ATAD1: variants seen among roughly 807,000 people sequenced by gnomAD.
The protein encoded by ATAD1 is ATPase family AAA domain containing 1, also known as outer mitochondrial transmembrane helix translocase.
In ATAD1, 18 loss-of-function variants were observed where a neutral mutation model predicts 42.7. The observed-to-expected ratio is 0.42, with a 90% confidence interval of 0.29 to 0.63. The LOEUF is 0.63. Ranked by LOEUF, ATAD1 falls within the 20% of genes least tolerant of loss-of-function variation. The pLI is 0.19. For synonymous variants in ATAD1, 132 were observed against 143.1 expected, an observed-to-expected ratio of 0.92 and a Z score of 0.55; for missense variants, 294 against 440.4, an observed-to-expected ratio of 0.67 and a Z score of 2.98.
chr10:87,827,180 A>G (rs950976765), intron 1 of ATAD1, among the ~76,000 whole-genome samples: 8 of 152,248 alleles, frequency 5.3e-5, no homozygotes, highest in Non-Finnish European at 1.2e-4. Context: ...ACTAAATATC[A>G]TGATACTATT....
intron 4 of ATAD1, among the ~76,000 whole-genome samples, chr10:87,787,863 T>C (rs1367922443): frequency 6.6e-6 from 1 of 152,206 alleles, no homozygotes; most frequent in Non-Finnish European, 1.5e-5. Flanking sequence ...ATTATTTTTT[T>C]CCTTAGGTTA....
chr10:87,812,759 G>A (rs1031233259), intron 2 of ATAD1, among the ~76,000 whole-genome samples: 2 of 152,174 alleles, frequency 1.3e-5, no homozygotes, highest in African/African-American at 4.8e-5. Context: ...CTAAAATGCT[G>A]TGTATTTTTT....
At chr10:87,778,976 C>T (rs1855445678) in intron 5 of ATAD1, among the ~76,000 whole-genome samples, 1 of 152,118 alleles carries the variant, frequency 6.6e-6, no homozygotes, top group Non-Finnish European at 1.5e-5. Context: ...ATTTTTATGT[C>T]TAACACCAAA....
chr10:87,758,712 T>C (rs576907658), intron 8 of ATAD1, among the ~76,000 whole-genome samples: 77 of 152,202 alleles, frequency 5.1e-4, no homozygotes, highest in Non-Finnish European at 9.0e-4. Flanking sequence ...AGATTTTTAC[T>C]CAAAATGCAT....
intron 1 of ATAD1, chr10:87,817,965 G>A: frequency 1.0e-6 from 1 of 985,608 alleles, no homozygotes; most frequent in South Asian, 4.7e-5. Context: ...CGGACGCCAA[G>A]GCGAGGCCCG....
chr10:87,802,254 G>A (rs2132003477), intron 2 of ATAD1, among the ~76,000 whole-genome samples: 1 of 152,202 alleles, frequency 6.6e-6, no homozygotes, highest in Non-Finnish European at 1.5e-5. Flanking sequence ...GACTTACAGA[G>A]CCAATGAAAG....
At chr10:87,799,581 T>C (rs1249245082) in intron 2 of ATAD1, among the ~76,000 whole-genome samples, 1 of 152,188 alleles carries the variant, frequency 6.6e-6, no homozygotes, top group Non-Finnish European at 1.5e-5. Flanking sequence ...TCAGATCTTT[T>C]TCACTGTCTC....
intron 1 of ATAD1, among the ~76,000 whole-genome samples, chr10:87,827,105 T>G (rs1156391638): frequency 6.6e-6 from 1 of 152,250 alleles, no homozygotes; most frequent in Non-Finnish European, 1.5e-5. Flanking sequence ...CAAAGTAGTT[T>G]GAAGCATGCA....
chr10:87,819,282 A>AAAAC (rs1857575745), upstream of ATAD1: 5 of 150,450 alleles, frequency 3.3e-5, no homozygotes, highest in Admixed American at 1.3e-4. Context: ...AAAAAAAAAA[A>AAAAC]AAAAAAAAAC....
intron 8 of ATAD1, among the ~76,000 whole-genome samples, chr10:87,766,516 T>C (rs1429917329): frequency 6.6e-6 from 1 of 152,172 alleles, no homozygotes; most frequent in Non-Finnish European, 1.5e-5. Context: ...TGTGTATGTG[T>C]TATTGATAGT....
intron 2 of ATAD1, among the ~76,000 whole-genome samples, chr10:87,805,574 C>T (rs556407492): frequency 6.6e-6 from 1 of 152,086 alleles, no homozygotes; most frequent in East Asian, 1.9e-4. Context: ...TAAATAGGCC[C>T]CCAACCTCCT....
At chr10:87,813,841 G>C (rs965649230) in intron 2 of ATAD1, among the ~76,000 whole-genome samples, 1 of 151,624 alleles carries the variant, frequency 6.6e-6, no homozygotes, top group Non-Finnish European at 1.5e-5. Flanking sequence ...GAGCCAGAAG[G>C]GAAAAGCCAC....
chr10:87,756,697 G>C, intron 9 of ATAD1, 92 bp downstream of exon 9: 1 of 1,183,778 alleles, frequency 8.4e-7, no homozygotes, highest in Non-Finnish European at 1.1e-6. Flanking sequence ...TTTCATAAGC[G>C]GTGTTTCTAA....
chr10:87,765,076 C>G (rs1854675029), intron 8 of ATAD1, among the ~76,000 whole-genome samples: 1 of 151,716 alleles, frequency 6.6e-6, no homozygotes, highest in Admixed American at 6.6e-5. Context: ...AAAAAAGAAT[C>G]CTTTTCTTTT....
At chr10:87,766,847 G>GA (rs1056140585) in intron 8 of ATAD1, among the ~76,000 whole-genome samples, 5 of 151,296 alleles carry the variant, frequency 3.3e-5, no homozygotes, top group African/African-American at 4.8e-5. Context: ...ATATATACAG[G>GA]AAAAAAGAGA....
chr10:87,809,169 T>G (rs1857063517), intron 2 of ATAD1, among the ~76,000 whole-genome samples: 1 of 152,190 alleles, frequency 6.6e-6, no homozygotes, highest in Admixed American at 6.5e-5. Flanking sequence ...TTTATCGACG[T>G]AACAGTTGAC....
chr10:87,777,159 G>A (rs1855342894), intron 5 of ATAD1, among the ~76,000 whole-genome samples: 1 of 152,132 alleles, frequency 6.6e-6, no homozygotes, highest in Non-Finnish European at 1.5e-5. Flanking sequence ...GGCTGGAAGA[G>A]TTATGTGGAA....
intron 8 of ATAD1, 47 bp from the exon 9 acceptor site, chr10:87,756,969 T>C (rs774871951): frequency 4.1e-6 from 6 of 1,471,096 alleles, no homozygotes; most frequent in Non-Finnish European, 5.5e-6. Flanking sequence ...ATAAATATAT[T>C]GTAAATGATA....
rs1239008036 is a variant in ATAD1 at position 87,752,112 on chromosome 10, G to T, written c.*2575C>A. 5 of 152,068 alleles carry T rather than the reference G, an allele frequency of 3.3e-5. No homozygotes were observed. The highest frequency in any genetic ancestry group is 7.4e-5 in the Non-Finnish European group (5 of 68,008). 9.4% of individuals were successfully genotyped at this position (152,068 alleles called of 1,614,324 possible). A position where few individuals can be genotyped will look rare whatever the true frequency, so the allele number is the denominator to read the frequency against. On this transcript the variant is annotated 3_prime_UTR_variant, in exon 10 of 10. Transcript: ENST00000680024. Reference sequence around the variant, plus strand: ...AATGCTGGGTTTACCTGCAGGTAGGGGGTTGGCTGAGATTAAAAGGAGAAA... The same window carrying T: ...AATGCTGGGTTTACCTGCAGGTAGGTGGTTGGCTGAGATTAAAAGGAGAAA...
Sources: allele counts gnomAD v4.1 joint callset (sites outside exome capture counted in the v4.1 genomes callset), GRCh38; gene constraint gnomAD v4.1.1; transcripts MANE v1.5; gene names NCBI Gene and HGNC (gene_info 2026-07-23, HGNC 2026-07-21).